CDH6: variants seen among roughly 807,000 people sequenced by gnomAD.
CDH6 encodes cadherin 6.
Under a neutral mutation model 78.0 loss-of-function variants are expected in CDH6, and 31 were observed. That is an observed-to-expected ratio of 0.40 (90% CI 0.30 to 0.54). CDH6 has a LOEUF of 0.54. Among genes scored for constraint, CDH6 ranks in the 20% least tolerant of loss-of-function variants. The probability of loss-of-function intolerance (pLI) is 0.56; values close to 1 mark genes in which losing one functional copy is unlikely to be tolerated. For missense variants in CDH6, 724 were observed against 975.9 expected (o/e 0.74, Z 3.44); for synonymous variants, 376 against 368.8 (o/e 1.02, Z -0.23).
chr5:31,325,311 TACAC>T lies in CDH6; in HGVS notation c.*2009_*2012del, dbSNP rs1265861695. 1.6e-5 allele frequency: 2 copies of T among 123,672 alleles called. No homozygotes were observed. Among genetic ancestry groups the T allele is most frequent in the African/African-American group, 1.3e-4 (2 of 15,522 alleles). 7.7% of individuals were successfully genotyped at this position (123,672 alleles called of 1,614,324 possible). A position where few individuals can be genotyped will look rare whatever the true frequency, so the allele number is the denominator to read the frequency against. On this transcript the variant is annotated 3_prime_UTR_variant, in exon 12 of 12. Transcript: ENST00000265071. Reference sequence around the variant, plus strand: ...AGGGTTTCTTTTTTCTAGTTCTTCATACACACACATACACACACACACACACACA... The same window carrying T: ...AGGGTTTCTTTTTTCTAGTTCTTCATACACATACACACACACACACACACA...
chr5:31,317,552 T>C, intron 10 of CDH6, 60 bp downstream of exon 10: 1 of 1,511,360 alleles, frequency 6.6e-7, no homozygotes, highest in Non-Finnish European at 9.1e-7. Context: ...ACTGTTTCTG[T>C]ATGTATATGT....
intron 1 of CDH6, among the ~76,000 whole-genome samples, chr5:31,213,230 C>T (rs566899332): frequency 6.6e-6 from 1 of 152,104 alleles, no homozygotes; most frequent in Non-Finnish European, 1.5e-5. Flanking sequence ...ACAATGAAAG[C>T]GCAGAATTAA....
chr5:31,227,912 T>C (rs1741204476), intron 1 of CDH6, among the ~76,000 whole-genome samples: 1 of 152,160 alleles, frequency 6.6e-6, no homozygotes, highest in South Asian at 2.1e-4. Flanking sequence ...ACAAAACACA[T>C]TACCACAAAA....
chr5:31,231,358 T>C (rs139059133), intron 1 of CDH6, among the ~76,000 whole-genome samples: 69 of 152,324 alleles, frequency 4.5e-4, no homozygotes, highest in Non-Finnish European at 2.5e-4. Context: ...GATTACTGTT[T>C]GGCGGGGTCA....
intron 2 of CDH6, among the ~76,000 whole-genome samples, chr5:31,278,010 TTGTG>T (rs1183882611): frequency 6.6e-6 from 1 of 152,072 alleles, no homozygotes; most frequent in Non-Finnish European, 1.5e-5. Context: ...GTATGTGTAT[TTGTG>T]TGTGTGTGAT....
intron 11 of CDH6, among the ~76,000 whole-genome samples, chr5:31,321,011 C>T (rs1738464633): frequency 6.6e-6 from 1 of 150,700 alleles, no homozygotes; most frequent in African/African-American, 2.4e-5. Context: ...GCTGTATGTT[C>T]ATATGGGCTC....
intron 6 of CDH6, 129 bp from the exon 7 acceptor site, chr5:31,305,045 A>G: frequency 2.1e-6 from 2 of 937,516 alleles, no homozygotes; most frequent in Non-Finnish European, 3.3e-6. Context: ...TATCACACAA[A>G]TGTGTTTCTC....
intron 1 of CDH6, among the ~76,000 whole-genome samples, chr5:31,212,553 C>T (rs1332554248): frequency 6.6e-6 from 1 of 152,160 alleles, no homozygotes; most frequent in Non-Finnish European, 1.5e-5. Flanking sequence ...CGATTTCATT[C>T]TCATTTGGGC....
chr5:31,302,808 GAAAGA>G (rs1737827049), intron 6 of CDH6, among the ~76,000 whole-genome samples: 1 of 108,356 alleles, frequency 9.2e-6, no homozygotes, highest in Non-Finnish European at 1.9e-5. Flanking sequence ...GAGAAAGAAA[GAAAGA>G]AAGAAAGAAA....
intron 2 of CDH6, 132 bp from the exon 3 acceptor site, chr5:31,293,830 T>TAAAAAAA: frequency 2.2e-6 from 1 of 448,526 alleles, no homozygotes; most frequent in Non-Finnish European, 3.9e-6. Flanking sequence ...ACGTAAATAG[T>TAAAAAAA]AAAAAAAAAA....
At chr5:31,248,413 A>T (rs16900786) in intron 1 of CDH6, among the ~76,000 whole-genome samples, 9,726 of 152,260 alleles carry the variant, frequency 0.064, 496 homozygotes, top group South Asian at 0.24. Context: ...GTCTTAATTT[A>T]AAAAAGAATC....
intron 11 of CDH6, among the ~76,000 whole-genome samples, chr5:31,321,612 A>G (rs1285495902): frequency 6.6e-6 from 1 of 152,166 alleles, no homozygotes; most frequent in Non-Finnish European, 1.5e-5. Flanking sequence ...AATTATTATT[A>G]TTAATACTAA....
intron 1 of CDH6, among the ~76,000 whole-genome samples, chr5:31,228,206 AAG>A (rs1336829406): frequency 6.6e-6 from 1 of 152,144 alleles, no homozygotes; most frequent in African/African-American, 2.4e-5. Flanking sequence ...TTTAAGGTCT[AAG>A]GACCTTTGTG....
rs1253119234 is a variant in CDH6 at position 31,323,066 on chromosome 5, G to A, written c.2131G>A (p.Asp711Asn). ...RRTPTARDNT[D>N]VRDFINQRLK... ...GACTCCAACAGCTCGCGACAACACCGATGTCAGAGATTTCATTAACCAAAG... is the reference window on the plus strand; with the variant it reads ...GACTCCAACAGCTCGCGACAACACCAATGTCAGAGATTTCATTAACCAAAG... Residue 711 changes from aspartate to asparagine, a missense_variant, in exon 12 of 12, where the codon GAT (aspartate) becomes AAT (asparagine). Asp to Asn is a conservative substitution (Grantham distance 23, BLOSUM62 1). Around this residue, in one of 3 missense-constraint regions of CDH6, gnomAD observed 220 missense variants for 240.6 expected, o/e 0.91. Coordinates refer to ENST00000265071, the MANE Select transcript of CDH6 (RefSeq NM_004932.4). 5 of 1,614,134 alleles carry A rather than the reference G, an allele frequency of 3.1e-6. No individual in the cohort carries two copies. The highest frequency in any genetic ancestry group is 1.6e-4 in the Middle Eastern group (1 of 6,062).
At chr5:31,302,927 G>GAA (rs1737849580) in intron 6 of CDH6, among the ~76,000 whole-genome samples, 1 of 124,942 alleles carries the variant, frequency 8.0e-6, no homozygotes, top group South Asian at 2.8e-4. Context: ...AAGAAAGAAA[G>GAA]AAAGAAAGAA....
At chr5:31,252,982 A>G (rs947579640) in intron 1 of CDH6, among the ~76,000 whole-genome samples, 1 of 152,244 alleles carries the variant, frequency 6.6e-6, no homozygotes, top group African/African-American at 2.4e-5. Context: ...TCAAGCTGTT[A>G]TAACAAAAAT....
In CDH6 at chr5:31,318,333, G is replaced by C. The variant is rs370694127; in HGVS notation, c.1882+409G>C. On this transcript the variant is annotated intron_variant, in intron 11 of 11. Transcript: ENST00000265071. Reference sequence around the variant, plus strand: ...TAAAGGTAAAGTTTAAAGATCTATGGGAAAGTGGGAAGAGGAGTATGATGA... The same window carrying C: ...TAAAGGTAAAGTTTAAAGATCTATGCGAAAGTGGGAAGAGGAGTATGATGA... The C allele has an allele frequency of 3.5e-5, 12 of 340,500 alleles. No individual in the cohort carries two copies. The South Asian group carries it at 3.7e-4, about 10-fold the overall frequency. The allele number at this position is 340,500 out of a possible 1,614,324, so 21.1% of individuals were successfully genotyped here. A position where few individuals can be genotyped will look rare whatever the true frequency, so the allele number is the denominator to read the frequency against.
chr5:31,197,934 C>T (rs1740214650), intron 1 of CDH6, among the ~76,000 whole-genome samples: 1 of 152,118 alleles, frequency 6.6e-6, no homozygotes, highest in African/African-American at 2.4e-5. Context: ...TCAAAACAAT[C>T]TTATGAGGAA....
chr5:31,196,161 C>A (rs974889033), intron 1 of CDH6, among the ~76,000 whole-genome samples: 2 of 152,180 alleles, frequency 1.3e-5, no homozygotes, highest in Non-Finnish European at 2.9e-5. Context: ...TTCCACCCAC[C>A]ACTTCCATCA....
Sources: allele counts gnomAD v4.1 joint callset (sites outside exome capture counted in the v4.1 genomes callset), GRCh38; gene constraint gnomAD v4.1.1; regional missense constraint gnomAD v4.1.1; transcripts MANE v1.5; gene names NCBI Gene and HGNC (gene_info 2026-07-23, HGNC 2026-07-21).